The following TSTD2 variants were observed in gnomAD, a reference collection of about 807,000 sequenced individuals.
TSTD2 encodes the protein thiosulfate sulfurtransferase like domain containing 2, also known as thiosulfate sulfurtransferase/rhodanese-like domain-containing protein 2.
In TSTD2, 37 loss-of-function variants were observed where a neutral mutation model predicts 47.9. The ratio of observed to expected loss-of-function variants is 0.77; its 90% CI spans 0.59 to 1.02. TSTD2 has a LOEUF of 1.02. TSTD2 is among the 50% of genes least tolerant of loss of function. The probability of loss-of-function intolerance (pLI) is 0.00; values close to 1 mark genes in which losing one functional copy is unlikely to be tolerated. For synonymous variants in TSTD2, 201 were observed against 215.9 expected (o/e 0.93, Z 0.61); for missense variants, 586 against 616.0 (o/e 0.95, Z 0.52).
chr9:97,610,583 G>T, intron 5 of TSTD2, 132 bp from the exon 6 acceptor site: 1 of 553,814 alleles, frequency 1.8e-6, no homozygotes, highest in Non-Finnish European at 3.0e-6. Context: ...TCTAGTTAGG[G>T]CCCAGAATGT....
chr9:97,605,035 G>C, intron 8 of TSTD2, 170 bp from the exon 9 acceptor site: 1 of 875,070 alleles, frequency 1.1e-6, no homozygotes, highest in Non-Finnish European at 1.4e-6. Flanking sequence ...TGCTGACCAA[G>C]GGGTCAAGGC....
At chr9:97,627,345 G>A in intron 2 of TSTD2, 53 bp downstream of exon 2, 10 of 1,510,362 alleles carry the variant, frequency 6.6e-6, no homozygotes, top group South Asian at 1.3e-5. Context: ...ACTTCCAAAT[G>A]TATCTGCGTT....
intron 9 of TSTD2, chr9:97,604,094 A>T (rs1329066013): frequency 2.0e-5 from 3 of 152,260 alleles, no homozygotes; most frequent in Non-Finnish European, 4.4e-5. Context: ...GTAATATATA[A>T]TAAGACGTGC....
rs530522832 is a variant in TSTD2 at position 97,613,566 on chromosome 9, A to G, written c.604-1867T>C. Among the ~76,000 whole-genome samples, 5 of 152,226 alleles carry G rather than the reference A, an allele frequency of 3.3e-5. No individual in the cohort carries two copies. The South Asian group carries it at 8.3e-4, about 25-fold the overall frequency. ...GCCCTGCAGAGTTGGTTGTTTTCGTACTACAAAATCCTGTGGATGAGTTTA... is the reference window on the plus strand; with the variant it reads ...GCCCTGCAGAGTTGGTTGTTTTCGTGCTACAAAATCCTGTGGATGAGTTTA... On this transcript the variant is annotated intron_variant, in intron 4 of 9. Coordinates refer to ENST00000341170, the MANE Select transcript of TSTD2 (RefSeq NM_139246.5).
chr9:97,604,976 C>T (rs1018784683), intron 8 of TSTD2, 111 bp from the exon 9 acceptor site: 1 of 1,488,842 alleles, frequency 6.7e-7, no homozygotes, highest in Non-Finnish European at 8.9e-7. Context: ...CTCATGGCCG[C>T]TGCTATCAGT....
Position 97,623,622 on chromosome 9 carries a change from G to A in TSTD2, c.482+2059C>T, listed in dbSNP as rs144110031. On this transcript the variant is annotated intron_variant, in intron 3 of 9. Transcript: ENST00000341170. ...CACCTGTAATCCCAGCACTTGGGAG[G>A]CCAAGGTGAGCAGATCACCTGAGGT... is the stretch of plus-strand genomic sequence containing the variant. 5.1e-4 allele frequency among the ~76,000 whole-genome samples: 77 copies of A among 152,336 alleles called. 2 individuals carry two copies. The highest frequency in any genetic ancestry group is 1.7e-3 in the African/African-American group (71 of 41,564).
chr9:97,620,369 T>G (rs1826613989), intron 3 of TSTD2, among the ~76,000 whole-genome samples: 2 of 152,200 alleles, frequency 1.3e-5, no homozygotes, highest in Admixed American at 6.5e-5. Context: ...AACCTCTTTC[T>G]TTTGTAAATT....
chr9:97,617,704 G>A, intron 4 of TSTD2, 53 bp downstream of exon 4: 2 of 1,558,844 alleles, frequency 1.3e-6, no homozygotes, highest in Admixed American at 2.0e-5. Flanking sequence ...GCAATCCAAG[G>A]TTGGCAGGCA....
intron 3 of TSTD2, among the ~76,000 whole-genome samples, chr9:97,619,958 G>A (rs1172227882): frequency 6.6e-6 from 1 of 152,110 alleles, no homozygotes; most frequent in African/African-American, 2.4e-5. Flanking sequence ...AGTTTTTCAA[G>A]GCCAGGATCT....
intron 4 of TSTD2, among the ~76,000 whole-genome samples, chr9:97,613,772 G>A (rs770260503): frequency 5.3e-5 from 8 of 149,950 alleles, no homozygotes; most frequent in Non-Finnish European, 1.0e-4. Flanking sequence ...TTTAATGGCT[G>A]TCCTTTTTTA....
In TSTD2 at chr9:97,608,650, G is replaced by T. The variant is rs952844266; in HGVS notation, c.835+1696C>A. 2.0e-5 allele frequency among the ~76,000 whole-genome samples: 3 copies of T among 152,056 alleles called. No individual in the cohort carries two copies. The East Asian group carries it at 5.8e-4, about 29-fold the overall frequency. The stretch of plus-strand genomic sequence containing the variant: ...GACTGTCTCAAAAAAAGAAAAAGAG[G>T]TCCCTTTAAACTTCCTTCAAGTGAA... On this transcript the variant is annotated intron_variant, in intron 6 of 9. Transcript: ENST00000341170.
intron 9 of TSTD2, 167 bp from the exon 10 acceptor site, chr9:97,602,934 C>T (rs989501606): frequency 1.7e-6 from 1 of 585,834 alleles, no homozygotes; most frequent in Non-Finnish European, 2.9e-6. Context: ...CCACCACCCC[C>T]ACCACCCAGC....
intron 3 of TSTD2, 134 bp downstream of exon 3, chr9:97,625,547 G>GTTCCACATCC: frequency 1.2e-6 from 1 of 849,872 alleles, no homozygotes; most frequent in Non-Finnish European, 1.8e-6. Flanking sequence ...TGTTCCAGTT[G>GTTCCACATCC]TTCCACATCC....
chr9:97,624,246 T>C (rs1004887364), intron 3 of TSTD2, among the ~76,000 whole-genome samples: 13 of 152,134 alleles, frequency 8.5e-5, no homozygotes, highest in African/African-American at 4.8e-5. Flanking sequence ...TCATAAAAGA[T>C]TGTGGTTTCT....
rs868197365 is a variant in TSTD2, at chr9:97,614,030, G to A, written c.604-2331C>T. On this transcript the variant is annotated intron_variant, in intron 4 of 9. Coordinates refer to ENST00000341170, the MANE Select transcript of TSTD2 (RefSeq NM_139246.5). ...TTTTTAGTAGAGACGGGGTTTCACC[G>A]TGTTAGCCAGGATGGTCTCAATCTC... is the stretch of plus-strand genomic sequence containing the variant. 1.4e-4 allele frequency among the ~76,000 whole-genome samples: 21 copies of A among 151,890 alleles called. 1 individual carries two copies. The highest frequency in any genetic ancestry group is 2.1e-4 in the South Asian group (1 of 4,802).
intron 3 of TSTD2, among the ~76,000 whole-genome samples, chr9:97,625,245 G>A (rs544318885): frequency 2.6e-5 from 4 of 152,262 alleles, no homozygotes; most frequent in Admixed American, 2.0e-4. Context: ...ACCCATATAC[G>A]TTCTTGAATA....
intron 5 of TSTD2, 121 bp downstream of exon 5, chr9:97,611,453 T>TA (rs1826457716): frequency 2.9e-5 from 35 of 1,199,236 alleles, no homozygotes; most frequent in Non-Finnish European, 3.8e-5. Flanking sequence ...CCCCAAAAAA[T>TA]AAAGGGGAAA....
At chr9:97,607,602 G>T (rs1326450545) in intron 6 of TSTD2, among the ~76,000 whole-genome samples, 1 of 152,196 alleles carries the variant, frequency 6.6e-6, no homozygotes, top group Non-Finnish European at 1.5e-5. Context: ...TGAAAAGGGA[G>T]ATTCAAACAT....
At chr9:97,617,186 C>T (rs562788426) in intron 4 of TSTD2, among the ~76,000 whole-genome samples, 5 of 152,054 alleles carry the variant, frequency 3.3e-5, no homozygotes, top group Non-Finnish European at 7.4e-5. Flanking sequence ...ATATGTGAGC[C>T]GAGATCTGAA....
Sources: gnomAD v4.1 joint callset for allele counts (sites outside exome capture counted in the v4.1 genomes callset) on GRCh38, gnomAD v4.1.1 for gene constraint, MANE v1.5 for transcripts, NCBI Gene and HGNC (gene_info 2026-07-23, HGNC 2026-07-21) for gene names.